THADA: variants seen among roughly 807,000 people sequenced by gnomAD.
The protein encoded by THADA is THADA armadillo repeat containing.
Under a neutral mutation model 219.8 loss-of-function variants are expected in THADA, and 213 were observed. The observed-to-expected ratio is 0.97, with a 90% CI of 0.87 to 1.09. The LOEUF is 1.09. Ranked by LOEUF, THADA falls within the 50% of genes least tolerant of loss-of-function variation. The pLI is 0.00. For synonymous variants in THADA, 1,018 were observed against 828.9 expected (o/e 1.23, Z -3.92); for missense variants, 2,956 against 2,311.3 (o/e 1.28, Z -5.72).
chr2:43,250,100 G>A (rs971671122), intron 36 of THADA, among the ~76,000 whole-genome samples: 2 of 152,100 alleles, frequency 1.3e-5, no homozygotes, highest in Non-Finnish European at 2.9e-5. Context: ...GCTTATACAT[G>A]AATGTTCATG....
chr2:43,525,498 G>A (rs1234238001), intron 22 of THADA, among the ~76,000 whole-genome samples: 1 of 152,152 alleles, frequency 6.6e-6, no homozygotes, highest in African/African-American at 2.4e-5. Flanking sequence ...CTCTCTCTGG[G>A]GGAAGCAAGC....
rs1236600310 is a variant in THADA at position 43,581,722 on chromosome 2, T to C, written c.721+19A>G. 1 of 1,596,414 alleles carries C rather than the reference T, an allele frequency of 6.3e-7. No individual in the cohort carries two copies. Among genetic ancestry groups the C allele is most frequent in the Non-Finnish European group, 8.5e-7 (1 of 1,171,990 alleles). ...AACTGTCAATTATATATCATTTGTA[T>C]ATAATTTGTTACACTTACCATCGCT... On this transcript the variant is annotated intron_variant, in intron 8 of 37. Transcript: ENST00000405975.
At chr2:43,587,267 C>T (rs1701124595) in intron 4 of THADA, among the ~76,000 whole-genome samples, 1 of 152,214 alleles carries the variant, frequency 6.6e-6, no homozygotes, top group South Asian at 2.1e-4. Context: ...CATGTCACTT[C>T]TCTTACTAAA....
chr2:43,362,402 C>T (rs997857015), intron 29 of THADA, among the ~76,000 whole-genome samples: 4 of 152,080 alleles, frequency 2.6e-5, no homozygotes, highest in African/African-American at 7.2e-5. Context: ...TGTTGTTAGG[C>T]GATTTCATCA....
At position 43,498,403 on chromosome 2, in the gene THADA, T is replaced by C. The variant is rs1179647418; in HGVS notation, c.3744+430A>G. On this transcript the variant is annotated intron_variant, in intron 25 of 37. Coordinates refer to ENST00000405975, the MANE Select transcript of THADA (RefSeq NM_022065.5). ...TAAATTGAAAAGAAATATAACTGGC[T>C]ATTTAAAGAAAAATAACAACAATGT... Among the ~76,000 whole-genome samples the C allele has an allele frequency of 3.3e-5, 5 of 152,202 alleles. No homozygotes were observed. The East Asian group carries it at 9.6e-4, about 29-fold the overall frequency.
chr2:43,322,649 C>T (rs1678861659), intron 30 of THADA, among the ~76,000 whole-genome samples: 1 of 146,738 alleles, frequency 6.8e-6, no homozygotes, highest in Admixed American at 6.8e-5. Flanking sequence ...TACTTTCTAG[C>T]ATATCCTTCC....
intron 32 of THADA, 111 bp downstream of exon 32, chr2:43,292,723 T>C (rs138119256): frequency 8.2e-6 from 11 of 1,346,840 alleles, no homozygotes; most frequent in Non-Finnish European, 1.1e-5. Context: ...CTACTTCCTA[T>C]TGCCCCTGGA....
At chr2:43,544,971 C>T (rs1695829076) in intron 20 of THADA, among the ~76,000 whole-genome samples, 1 of 151,740 alleles carries the variant, frequency 6.6e-6, no homozygotes, top group Non-Finnish European at 1.5e-5. Context: ...AAAGGGAATG[C>T]TTCCAGTTTT....
intron 30 of THADA, among the ~76,000 whole-genome samples, chr2:43,338,154 CTTTTTT>C (rs35928615): frequency 1.6e-5 from 2 of 126,362 alleles, no homozygotes; most frequent in East Asian, 4.3e-4. Context: ...ATCACCAGAA[CTTTTTT>C]TTTTTTTTTT....
chr2:43,421,149 A>G (rs1677668202), intron 28 of THADA, among the ~76,000 whole-genome samples: 1 of 152,338 alleles, frequency 6.6e-6, no homozygotes, highest in East Asian at 1.9e-4. Flanking sequence ...TTTGGCCTAT[A>G]AGCAAAGAAG....
intron 30 of THADA, among the ~76,000 whole-genome samples, chr2:43,321,907 T>A (rs1678757871): frequency 6.6e-6 from 1 of 152,248 alleles, no homozygotes; most frequent in Non-Finnish European, 1.5e-5. Flanking sequence ...TCCATGTGGC[T>A]TAATCCTGAA....
At chr2:43,573,103 A>G in intron 11 of THADA, 111 bp from the exon 12 acceptor site, 1 of 842,752 alleles carries the variant, frequency 1.2e-6, no homozygotes, top group Non-Finnish European at 1.7e-6. Flanking sequence ...AATAAAAATC[A>G]CATTTTAAAC....
chr2:43,593,513 C>A (rs1458011983), intron 1 of THADA, among the ~76,000 whole-genome samples: 1 of 151,998 alleles, frequency 6.6e-6, no homozygotes, highest in Non-Finnish European at 1.5e-5. Flanking sequence ...CTTCAGAGAA[C>A]AGCTCAGTTA....
At position 43,484,958 on chromosome 2, in the gene THADA, A is replaced by C. The variant is rs1238270403; in HGVS notation, c.3836+276T>G. 9.9e-5 allele frequency among the ~76,000 whole-genome samples: 15 copies of C among 152,004 alleles called. 1 individual carries two copies. Among genetic ancestry groups the C allele is most frequent in the African/African-American group, 3.4e-4 (14 of 41,486 alleles). On this transcript the variant is annotated intron_variant, in intron 26 of 37. Transcript: ENST00000405975. ...ATGCAATTAAAAAAAAAAAAACAAA[A>C]AAAACACTAGCTTTTGCATGGAGAA...
intron 28 of THADA, among the ~76,000 whole-genome samples, chr2:43,424,126 A>G (rs1298201692): frequency 6.6e-6 from 1 of 152,214 alleles, no homozygotes; most frequent in Non-Finnish European, 1.5e-5. Flanking sequence ...TCCCAAGAGG[A>G]TGCAACAATC....
At chr2:43,420,981 T>C (rs533834140) in intron 28 of THADA, among the ~76,000 whole-genome samples, 111 of 152,262 alleles carry the variant, frequency 7.3e-4, no homozygotes, top group South Asian at 3.3e-3. Context: ...TCCCCAGCAA[T>C]AGGAAACAAC....
chr2:43,469,874 A>C (rs1304778262), intron 26 of THADA, among the ~76,000 whole-genome samples: 1 of 152,226 alleles, frequency 6.6e-6, no homozygotes, highest in Non-Finnish European at 1.5e-5. Flanking sequence ...AAAGCTAATA[A>C]AAATTCCTGA....
intron 26 of THADA, among the ~76,000 whole-genome samples, chr2:43,479,915 G>C (rs1458220820): frequency 6.6e-6 from 1 of 152,128 alleles, no homozygotes; most frequent in African/African-American, 2.4e-5. Flanking sequence ...TTCTCCTCTG[G>C]TTTACTCCTA....
chr2:43,502,414 G>A (rs1439620537), intron 24 of THADA, among the ~76,000 whole-genome samples: 4 of 151,934 alleles, frequency 2.6e-5, no homozygotes, highest in Non-Finnish European at 4.4e-5. Flanking sequence ...GCAAAACCTC[G>A]TCTCTACTAA....
Sources: gnomAD v4.1 joint callset for allele counts (sites outside exome capture counted in the v4.1 genomes callset) on GRCh38, gnomAD v4.1.1 for gene constraint, MANE v1.5 for transcripts, NCBI Gene and HGNC (gene_info 2026-07-23, HGNC 2026-07-21) for gene names.